Variants in IKZF3 observed in about 807,000 individuals in gnomAD.
IKZF3 encodes zinc finger protein Aiolos.
In IKZF3, 10 loss-of-function variants were observed where a neutral mutation model predicts 49.0. The ratio of observed to expected loss-of-function variants is 0.20; its 90% confidence interval spans 0.13 to 0.35. The LOEUF is 0.35. Ranked by LOEUF, IKZF3 falls within the 10% of genes least tolerant of loss-of-function variation. The probability of loss-of-function intolerance (pLI) is 1.00; values close to 1 mark genes in which losing one functional copy is unlikely to be tolerated. For missense variants in IKZF3, 498 were observed against 664.8 expected (o/e 0.75, Z 2.76); for synonymous variants, 209 against 228.2 (o/e 0.92, Z 0.76).
At chr17:39,847,022 A>G (rs1197724353) in intron 1 of IKZF3, among the ~76,000 whole-genome samples, 1 of 152,002 alleles carries the variant, frequency 6.6e-6, no homozygotes, top group Non-Finnish European at 1.5e-5. Context: ...TTATACCCAT[A>G]CCTCTTTTTT....
chr17:39,843,264 T>C (rs925468260), intron 1 of IKZF3, among the ~76,000 whole-genome samples: 1 of 152,176 alleles, frequency 6.6e-6, no homozygotes, highest in African/African-American at 2.4e-5. Flanking sequence ...GCAGGGCACA[T>C]ACTCTAAAGC....
At chr17:39,778,321 C>T (rs76268715) in intron 6 of IKZF3, 21 of 249,356 alleles carry the variant, frequency 8.4e-5, no homozygotes, top group Non-Finnish European at 1.3e-4. Flanking sequence ...TTTTTTTTTT[C>T]AGCACGCTCC....
At chr17:39,813,553 AG>A (rs2061610888) in intron 3 of IKZF3, among the ~76,000 whole-genome samples, 1 of 151,702 alleles carries the variant, frequency 6.6e-6, no homozygotes, top group Non-Finnish European at 1.5e-5. Flanking sequence ...CTCGGGTGGG[AG>A]GATCACTTGA....
intron 1 of IKZF3, among the ~76,000 whole-genome samples, chr17:39,856,604 G>A (rs955928029): frequency 3.9e-5 from 6 of 152,036 alleles, no homozygotes; most frequent in Non-Finnish European, 1.5e-5. Context: ...TCAGGAGTTC[G>A]AGATCAGCCT....
At chr17:39,796,638 T>G (rs35395438) in intron 3 of IKZF3, among the ~76,000 whole-genome samples, 9,370 of 151,194 alleles carry the variant, frequency 0.062, 397 homozygotes, top group Non-Finnish European at 0.094. Context: ...CCTCCCTGGT[T>G]CAAGCGATTC....
intron 1 of IKZF3, among the ~76,000 whole-genome samples, chr17:39,844,945 C>A (rs191059174): frequency 2.0e-4 from 30 of 152,266 alleles, no homozygotes; most frequent in Non-Finnish European, 3.1e-4. Context: ...TCCATGAGAA[C>A]AGTGATGTTG....
At chr17:39,836,163 C>A (rs947788722) in intron 1 of IKZF3, 1 of 662,558 alleles carries the variant, frequency 1.5e-6, no homozygotes, top group East Asian at 2.8e-5. Flanking sequence ...GGTCCACCTC[C>A]AGCTTAAGGG....
chr17:39,767,663 T>G (rs1453457777), intron 7 of IKZF3, among the ~76,000 whole-genome samples: 1 of 152,074 alleles, frequency 6.6e-6, no homozygotes, highest in East Asian at 1.9e-4. Flanking sequence ...AAAAATGCCA[T>G]GAGAAAACAA....
chr17:39,769,402 T>C (rs2060379135), intron 7 of IKZF3, among the ~76,000 whole-genome samples: 1 of 152,152 alleles, frequency 6.6e-6, no homozygotes, highest in Admixed American at 6.5e-5. Context: ...AACCTGATAG[T>C]TTCCAGAGAA....
At chr17:39,832,261 C>A in intron 1 of IKZF3, 110 bp from the exon 2 acceptor site, 1 of 698,360 alleles carries the variant, frequency 1.4e-6, no homozygotes, top group Non-Finnish European at 2.5e-6. Context: ...CAGCAGAATT[C>A]CTCTTTCAGA....
intron 1 of IKZF3, chr17:39,836,130 A>G (rs1359443723): frequency 7.6e-6 from 5 of 656,180 alleles, no homozygotes; most frequent in Non-Finnish European, 1.4e-5. Context: ...CCTTCTCCTG[A>G]GTGCACACGG....
intron 3 of IKZF3, among the ~76,000 whole-genome samples, chr17:39,818,067 C>A (rs1328891515): frequency 2.0e-5 from 3 of 152,116 alleles, no homozygotes; most frequent in Admixed American, 2.0e-4. Context: ...TATGGTACAG[C>A]CTATTGCTCT....
At chr17:39,807,424 A>G in intron 3 of IKZF3, among the ~76,000 whole-genome samples, 1 of 148,742 alleles carries the variant, frequency 6.7e-6, no homozygotes, top group Admixed American at 6.7e-5. Context: ...TTTTTGACAG[A>G]GTCTCACTGT....
At chr17:39,783,352 C>G (rs1478252853) in intron 6 of IKZF3, among the ~76,000 whole-genome samples, 2 of 152,144 alleles carry the variant, frequency 1.3e-5, no homozygotes, top group Non-Finnish European at 2.9e-5. Flanking sequence ...GATGGAGTCT[C>G]GCTCTGTTGC....
chr17:39,777,503 A>T (rs2060619650), intron 7 of IKZF3, 148 bp downstream of exon 7: 2 of 573,078 alleles, frequency 3.5e-6, no homozygotes, highest in Non-Finnish European at 6.1e-6. Flanking sequence ...GAGCTATCAG[A>T]ATGAACCATG....
At chr17:39,781,076 T>C (rs2060730840) in intron 6 of IKZF3, among the ~76,000 whole-genome samples, 1 of 152,128 alleles carries the variant, frequency 6.6e-6, no homozygotes, top group African/African-American at 2.4e-5. Context: ...TGACCAGCAG[T>C]TGTAAATAAC....
Position 39,777,674 on chromosome 17 carries a change from C to T in IKZF3, c.803G>A (p.Ser268Asn), listed in dbSNP as rs1164439027. ...RLASNVAKRKSSMPQKFIGEK... is the reference protein window; with the variant it reads ...RLASNVAKRKNSMPQKFIGEK... ...ACCAATGAATTTCTGAGGCATTGAG[C>T]TTTTTCGTTTTGCCACATTGCTTGC... Residue 268 changes from serine (S) to asparagine (N), a missense_variant, in exon 7 of 8, where the codon AGC (serine) becomes AAC (asparagine). Transcript: ENST00000346872. 2 of 1,613,296 alleles carry T rather than the reference C, an allele frequency of 1.2e-6. No individual in the cohort carries two copies. Among genetic ancestry groups the T allele is most frequent in the Admixed American group, 3.3e-5 (2 of 59,920 alleles).
At chr17:39,819,611 CAAAT>C (rs1471375359) in intron 3 of IKZF3, among the ~76,000 whole-genome samples, 1 of 152,090 alleles carries the variant, frequency 6.6e-6, no homozygotes, top group Non-Finnish European at 1.5e-5. Context: ...AAGTTTTAGA[CAAAT>C]AACTCAATTT....
At chr17:39,864,015 A>C in intron 1 of IKZF3, 105 bp downstream of exon 1, 1 of 1,442,698 alleles carries the variant, frequency 6.9e-7, no homozygotes, top group Non-Finnish European at 9.7e-7. Context: ...TTGACAAAAG[A>C]AGTAAATAGA....
Sources: gnomAD v4.1 joint callset for allele counts (sites outside exome capture counted in the v4.1 genomes callset) on GRCh38, gnomAD v4.1.1 for gene constraint, MANE v1.5 for transcripts, NCBI Gene and HGNC (gene_info 2026-07-23, HGNC 2026-07-21) for gene names.